ZNF676: variants seen among roughly 807,000 people sequenced by gnomAD.
The protein encoded by ZNF676 is zinc finger protein 676.
A neutral mutation model predicts 6.0 loss-of-function variants in ZNF676; 4 were observed. The observed-to-expected ratio is 0.67, with a 90% CI of 0.33 to 1.53. The LOEUF (loss-of-function observed/expected upper bound fraction) is 1.53, where lower values mean the gene tolerates loss of function less well. Among genes scored for constraint, ZNF676 ranks in the 40% most tolerant of loss-of-function variants. The pLI, the probability that ZNF676 is intolerant of heterozygous loss-of-function variation, is 0.06. For synonymous variants in ZNF676, 198 were observed against 223.1 expected, an observed-to-expected ratio of 0.89 and a Z score of 1.00; for missense variants, 644 against 679.7, an observed-to-expected ratio of 0.95 and a Z score of 0.58.
At chr19:22,256,760 T>C in the ZNF676 span, among the ~76,000 whole-genome samples, 296 of 151,954 alleles carry the variant, frequency 1.9e-3, 1 homozygote, top group African/African-American at 6.5e-3. Flanking sequence ...CCCCTTTTAT[T>C]GGCAGGGCCC....
intron 1 of ZNF676, among the ~76,000 whole-genome samples, chr19:22,205,754 A>G (rs2024070585): frequency 6.6e-6 from 1 of 152,162 alleles, no homozygotes; most frequent in African/African-American, 2.4e-5. Flanking sequence ...AAAGACTGAG[A>G]GCAACAAAAG....
At chr19:22,195,347 C>T (rs754769746) in intron 1 of ZNF676, among the ~76,000 whole-genome samples, 4 of 152,250 alleles carry the variant, frequency 2.6e-5, no homozygotes, top group East Asian at 3.9e-4. Context: ...CATTTTGGGT[C>T]GCATCCCTGG....
the ZNF676 span, among the ~76,000 whole-genome samples, chr19:22,246,803 A>G: frequency 3.9e-5 from 6 of 152,254 alleles, no homozygotes; most frequent in Non-Finnish European, 1.5e-5. Flanking sequence ...TCCAAACAAA[A>G]GATGAAAGTC....
chr19:22,259,210 G>A, the ZNF676 span, among the ~76,000 whole-genome samples: 5 of 152,190 alleles, frequency 3.3e-5, no homozygotes, highest in African/African-American at 1.2e-4. Flanking sequence ...TCAGATGAAA[G>A]AGTCCCATTA....
chr19:22,253,438 T>A, the ZNF676 span, among the ~76,000 whole-genome samples: 7 of 87,458 alleles, frequency 8.0e-5, no homozygotes, highest in Middle Eastern at 6.4e-3. Context: ...ATATATATGA[T>A]AATGTGTATA....
At chr19:22,220,461 GTTTT>G (rs58810797), upstream of ZNF676, among the ~76,000 whole-genome samples, 1 of 115,410 alleles carries the variant, frequency 8.7e-6, no homozygotes. Context: ...TTTGTTGGCA[GTTTT>G]TTTTTTTTTT....
At chr19:22,196,137 C>T (rs1179023173) in intron 1 of ZNF676, among the ~76,000 whole-genome samples, 1 of 152,098 alleles carries the variant, frequency 6.6e-6, no homozygotes, top group Non-Finnish European at 1.5e-5. Flanking sequence ...AGCTGAATGC[C>T]TGAGTGTTGT....
chr19:22,207,096 C>A (rs2024084096), intron 1 of ZNF676, among the ~76,000 whole-genome samples: 1 of 152,082 alleles, frequency 6.6e-6, no homozygotes, highest in Admixed American at 6.6e-5. Flanking sequence ...TTAGCCAGAG[C>A]AATCAGGCAA....
intron 1 of ZNF676, among the ~76,000 whole-genome samples, chr19:22,212,392 G>T (rs2024137924): frequency 6.6e-6 from 1 of 151,616 alleles, no homozygotes; most frequent in African/African-American, 2.4e-5. Context: ...CTAATAAGAT[G>T]CAATTTACAG....
upstream of ZNF676, among the ~76,000 whole-genome samples, chr19:22,200,358 A>C (rs545218242): frequency 2.0e-4 from 30 of 152,208 alleles, no homozygotes; most frequent in Admixed American, 8.5e-4. Flanking sequence ...TAGACATCAG[A>C]AACCACAATA....
chr19:22,211,239 C>G (rs1568536099), intron 1 of ZNF676, among the ~76,000 whole-genome samples: 1 of 152,106 alleles, frequency 6.6e-6, no homozygotes, highest in Admixed American at 6.5e-5. Context: ...GGGGCCCCAG[C>G]TTTCCAGGGC....
the ZNF676 span, chr19:22,243,458 GT>G: frequency 2.0e-5 from 3 of 152,086 alleles, no homozygotes; most frequent in East Asian, 5.8e-4. Flanking sequence ...AAAACACAAA[GT>G]TGACTGGTGC....
Position 22,180,101 on chromosome 19 carries a change from C to A in ZNF676, c.1616G>T (p.Gly539Val), listed in dbSNP as rs756381921. 4.3e-6 allele frequency: 7 copies of A among 1,612,768 alleles called. No individual in the cohort carries two copies. The highest frequency in any genetic ancestry group is 5.9e-6 in the Non-Finnish European group (7 of 1,179,728). Residue 539 changes from glycine to valine, a missense_variant, in exon 3 of 3, where the codon GGC becomes GTC. Physicochemically the swap from Gly to Val is moderately radical, Grantham distance 109 (BLOSUM62 -3). Around this residue, in one of 5 missense-constraint regions of ZNF676, gnomAD observed 306 missense variants for 265.4 expected, o/e 1.15. Transcript: ENST00000397121. ...GCTTGAGGATCTGCTGAAGGCTTTG[C>A]CACATTCTTCACATTTGTAGGGTTT... Reference protein sequence around the residue: ...GEKPYKCEECGKAFSRSSSLT... With the variant: ...GEKPYKCEECVKAFSRSSSLT...
chr19:22,216,291 C>CGAACCATT (rs2024189053), upstream of ZNF676, among the ~76,000 whole-genome samples: 1 of 151,908 alleles, frequency 6.6e-6, no homozygotes. Context: ...GAACATTAGT[C>CGAACCATT]AGGTGTGGTG....
At chr19:22,232,089 C>T in the ZNF676 span, among the ~76,000 whole-genome samples, 1 of 151,996 alleles carries the variant, frequency 6.6e-6, no homozygotes, top group African/African-American at 2.4e-5. Context: ...ATTAGGCTTG[C>T]AAAATATATA....
chr19:22,201,709 C>T (rs2024027017), upstream of ZNF676, among the ~76,000 whole-genome samples: 1 of 112,796 alleles, frequency 8.9e-6, no homozygotes, highest in Non-Finnish European at 1.7e-5. Flanking sequence ...ATTAGCAGCA[C>T]TTACAAGTGG....
rs376158454 is a variant in ZNF676, at chr19:22,181,356, C to T, written c.361G>A (p.Val121Ile). The T allele has an allele frequency of 7.6e-5, 122 of 1,613,554 alleles. No homozygotes were observed. The highest frequency in any genetic ancestry group is 1.2e-4 in the African/African-American group (9 of 74,902). ...KVFQCGKYAN[V>I]FHKCSNSNRH... ...TTTGAATTTGAACATTTATGAAAGA[C>T]GTTTGCATATTTGCCACATTGAAAT... The change falls in exon 3 of 3, where the codon GTC (valine) becomes ATC (isoleucine). Residue 121 changes from valine to isoleucine, a missense_variant. Transcript: ENST00000397121.
chr19:22,212,480 T>G (rs1233020163), intron 1 of ZNF676, among the ~76,000 whole-genome samples: 1 of 148,518 alleles, frequency 6.7e-6, no homozygotes, highest in Non-Finnish European at 1.5e-5. Context: ...GCAGGCAGAT[T>G]ACTTGAGGTC....
chr19:22,212,681 G>A (rs1382039276), intron 1 of ZNF676, among the ~76,000 whole-genome samples: 1 of 151,634 alleles, frequency 6.6e-6, no homozygotes, highest in Non-Finnish European at 1.5e-5. Flanking sequence ...CTCCAGCCTG[G>A]GCGACAGAGG....
Sources: gnomAD v4.1 joint callset for allele counts (sites outside exome capture counted in the v4.1 genomes callset) on GRCh38, gnomAD v4.1.1 for gene constraint, gnomAD v4.1.1 regional missense constraint, MANE v1.5 for transcripts, NCBI Gene and HGNC (gene_info 2026-07-23, HGNC 2026-07-21) for gene names.